Variants in TBRG4 observed in about 807,000 individuals in gnomAD.
TBRG4 encodes FAST kinase domain-containing protein 4.
A neutral mutation model predicts 65.6 loss-of-function variants in TBRG4; 43 were observed. The observed-to-expected ratio is 0.66, with a 90% CI of 0.51 to 0.85. TBRG4 has a LOEUF of 0.85. Ranked by LOEUF, TBRG4 falls within the 40% of genes least tolerant of loss-of-function variation. The probability of loss-of-function intolerance (pLI) is 0.00; values close to 1 mark genes in which losing one functional copy is unlikely to be tolerated. For synonymous variants in TBRG4, 366 were observed against 341.4 expected (o/e 1.07, Z -0.79); for missense variants, 709 against 787.9 (o/e 0.90, Z 1.20).
At chr7:45,101,231 G>C (rs1421449205) in intron 10 of TBRG4, 27 bp downstream of exon 10, 1 of 1,604,712 alleles carries the variant, frequency 6.2e-7, no homozygotes, top group Non-Finnish European at 8.5e-7. Context: ...TCCCTGTGCA[G>C]TGACCACCTG....
chr7:45,108,531 T>C (rs1206070422), intron 2 of TBRG4, among the ~76,000 whole-genome samples: 1 of 152,132 alleles, frequency 6.6e-6, no homozygotes, highest in Non-Finnish European at 1.5e-5. Context: ...GACTATATGG[T>C]GAGGGGGAAA....
chr7:45,103,792 A>G (rs1784846096), intron 5 of TBRG4: 1 of 521,660 alleles, frequency 1.9e-6, no homozygotes. Context: ...GAGGGGGATC[A>G]GTGATTCAGT....
At chr7:45,104,323 C>T (rs1256843886) in intron 4 of TBRG4, 67 bp from the exon 5 acceptor site, 5 of 1,608,540 alleles carry the variant, frequency 3.1e-6, no homozygotes, top group African/African-American at 1.3e-5. Flanking sequence ...AGCTCCACCC[C>T]ACCTCAGCCT....
At chr7:45,106,025 T>C (rs749063552) in intron 2 of TBRG4, 1 of 691,258 alleles carries the variant, frequency 1.4e-6, no homozygotes, top group Non-Finnish European at 2.7e-6. Flanking sequence ...GGCCTGTGAG[T>C]CACTGTTTCT....
chr7:45,109,948 G>A (rs191423409), intron 1 of TBRG4, among the ~76,000 whole-genome samples: 128 of 132,854 alleles, frequency 9.6e-4, no homozygotes, highest in Non-Finnish European at 1.6e-3. Flanking sequence ...CTGGACTCCA[G>A]CCTGGGTGAG....
chr7:45,100,462 A>G, intron 10 of TBRG4, 36 bp from the exon 11 acceptor site: 1 of 1,550,420 alleles, frequency 6.4e-7, no homozygotes, highest in Non-Finnish European at 8.9e-7. Flanking sequence ...CACATGGGCA[A>G]GGAGATCCCT....
intron 1 of TBRG4, chr7:45,110,907 C>G (rs1785107180): frequency 6.6e-6 from 1 of 152,190 alleles, no homozygotes; most frequent in South Asian, 2.1e-4. Context: ...AGAGAGAGAT[C>G]AGAGAGTCGG....
At chr7:45,103,494 C>CAGCCCA (rs3070697) in intron 5 of TBRG4, 51 bp from the exon 6 acceptor site, 29 of 1,454,432 alleles carry the variant, frequency 2.0e-5, no homozygotes, top group Non-Finnish European at 2.5e-5. Flanking sequence ...CTGCCCAGCA[C>CAGCCCA]GCTGTCCTCC....
chr7:45,109,326 G>T, intron 1 of TBRG4, 39 bp from the exon 2 acceptor site: 1 of 1,466,290 alleles, frequency 6.8e-7, no homozygotes. Flanking sequence ...TACTACAGGG[G>T]CAGTTCCTGA....
At position 45,105,516 on chromosome 7, in the gene TBRG4, A is replaced by C. The variant is rs1784918189; in HGVS notation, c.660T>G (p.Asp220Glu). ...HLERRWTEIE[D>E]SHTLVTVMMK... ...TCATGACGGTCACTAATGTGTGGGA[A>C]TCTTCAATTTCTGTCCAACGCCTTT... The change falls in exon 3 of 11, where the codon GAT (aspartate) becomes GAG (glutamate). Residue 220 changes from aspartate to glutamate, a missense_variant. Coordinates refer to ENST00000258770, the MANE Select transcript of TBRG4 (RefSeq NM_004749.4). 6.2e-7 allele frequency: 1 copy of C among 1,614,034 alleles called. No homozygotes were observed. The highest frequency in any genetic ancestry group is 1.3e-5 in the African/African-American group (1 of 74,932).
chr7:45,101,856 G>A lies in TBRG4; in HGVS notation c.1536C>T (p.Leu512=), dbSNP rs185734821. Reference sequence around the variant, plus strand: ...CCCAGCCATACTGCGTGGCCACCTCGAGGCTGCCCTTGTCGGCGCTCCCCA... The same window carrying A: ...CCCAGCCATACTGCGTGGCCACCTCAAGGCTGCCCTTGTCGGCGCTCCCCA... The part of the protein sequence containing the change: ...GLLGSADKGS[L]EVATQYGWVL... Residue 512 remains leucine, a synonymous_variant, in exon 8 of 11, where the codon CTC becomes CTT. Coordinates refer to ENST00000258770, the MANE Select transcript of TBRG4 (RefSeq NM_004749.4). The A allele has an allele frequency of 2.7e-5, 43 of 1,608,324 alleles. No homozygotes were observed. In the East Asian group the frequency reaches 8.5e-4, roughly 32 times the overall value.
At chr7:45,103,240 C>T in intron 6 of TBRG4, 93 bp downstream of exon 6, 2 of 1,081,448 alleles carry the variant, frequency 1.8e-6, no homozygotes, top group Non-Finnish European at 2.8e-6. Flanking sequence ...CTCCCGCCTC[C>T]ACCTAGCCCG....
rs748165242 is a variant in TBRG4 at position 45,102,448 on chromosome 7, G to A, written c.1220C>T (p.Ala407Val). 6.2e-7 allele frequency: 1 copy of A among 1,613,252 alleles called. No homozygotes were observed. Among genetic ancestry groups the A allele is most frequent in the Admixed American group, 1.7e-5 (1 of 60,024 alleles). The change falls in exon 7 of 11, where the codon GCC becomes GTC. Residue 407 changes from alanine to valine, a missense_variant. Coordinates refer to ENST00000258770, the MANE Select transcript of TBRG4 (RefSeq NM_004749.4). ...LGSELPGLEP[A>V]LQVDLVWALC... Reference sequence around the variant, plus strand: ...GGCCCACACCAGGTCCACCTGCAGGGCTGGCTCCAGGCCTGGCAGCTCTGA... The same window carrying A: ...GGCCCACACCAGGTCCACCTGCAGGACTGGCTCCAGGCCTGGCAGCTCTGA...
At position 45,105,535 on chromosome 7, in the gene TBRG4, C is replaced by T. The variant is rs1429528754; in HGVS notation, c.641G>A (p.Arg214His). 2.5e-6 allele frequency: 4 copies of T among 1,614,068 alleles called. No individual in the cohort carries two copies. Among genetic ancestry groups the T allele is most frequent in the Non-Finnish European group, 3.4e-6 (4 of 1,180,046 alleles). ...GTGGGAATCTTCAATTTCTGTCCAA[C>T]GCCTTTCCAGGTGTGTGAGCAGCTC... ...LAELLTHLER[R>H]WTEIEDSHTL... The change falls in exon 3 of 11, where the codon CGT becomes CAT. Residue 214 changes from arginine (R) to histidine (H), a missense_variant. Arg to His is a conservative substitution (Grantham distance 29, BLOSUM62 0). Coordinates refer to ENST00000258770, the MANE Select transcript of TBRG4 (RefSeq NM_004749.4).
At chr7:45,101,752 A>G (rs1784771567) in intron 8 of TBRG4, 73 bp downstream of exon 8, 1 of 1,598,082 alleles carries the variant, frequency 6.3e-7, no homozygotes. Flanking sequence ...CTTGCTGCAG[A>G]CGGGGTGGGT....
rs1000253966 is a variant in TBRG4 at position 45,105,067 on chromosome 7, A to G, written c.736-358T>C. The G allele has an allele frequency of 7.2e-6, 5 of 695,702 alleles. No homozygotes were observed. The African/African-American group carries it at 8.7e-5, about 12-fold the overall frequency. 43.1% of individuals were successfully genotyped at this position (695,702 alleles called of 1,614,324 possible). ...AGGGCTACAGCCGATAGGGGTTAGCACATCTCCAGGAGAGTTCTAGCCAGA... is the reference window on the plus strand; with the variant it reads ...AGGGCTACAGCCGATAGGGGTTAGCGCATCTCCAGGAGAGTTCTAGCCAGA... On this transcript the variant is annotated intron_variant, in intron 3 of 10. Coordinates refer to ENST00000258770, the MANE Select transcript of TBRG4 (RefSeq NM_004749.4).
At chr7:45,104,983 C>G (rs368261634) in intron 3 of TBRG4, 69 of 753,906 alleles carry the variant, frequency 9.2e-5, no homozygotes, top group Non-Finnish European at 1.5e-4. Flanking sequence ...CTTGCTGTGG[C>G]AGCCATCTGG....
Position 45,105,488 on chromosome 7 carries a change from T to A in TBRG4, c.688A>T (p.Lys230Ter), listed in dbSNP as rs1433655812. Reference protein sequence around the residue: ...DSHTLVTVMMKVGHLSEPLMN... With the variant: ...DSHTLVTVMM ...AGTGGCTCCGAGAGGTGTCCCACCT[T>A]CATCATGACGGTCACTAATGTGTGG... is the stretch of plus-strand genomic sequence containing the variant. The change falls in exon 3 of 11, where the codon AAG becomes TAG. Residue 230 changes from lysine (K) to a stop codon, truncating the protein, a stop_gained. Transcript: ENST00000258770. LOFTEE classifies it high-confidence loss of function. 6.2e-7 allele frequency: 1 copy of A among 1,613,582 alleles called. No individual in the cohort carries two copies. Among genetic ancestry groups the A allele is most frequent in the Non-Finnish European group, 8.5e-7 (1 of 1,179,702 alleles).
At chr7:45,103,840 G>C in intron 5 of TBRG4, 2 of 563,994 alleles carry the variant, frequency 3.5e-6, no homozygotes, top group Non-Finnish European at 6.2e-6. Flanking sequence ...CATCAGCCAT[G>C]CTGCTACCTG....
Sources: allele counts gnomAD v4.1 joint callset (sites outside exome capture counted in the v4.1 genomes callset), GRCh38; gene constraint gnomAD v4.1.1; transcripts MANE v1.5; gene names NCBI Gene and HGNC (gene_info 2026-07-23, HGNC 2026-07-21).